ZNRF3: variants seen among roughly 807,000 people sequenced by gnomAD.
The protein encoded by ZNRF3 is E3 ubiquitin-protein ligase ZNRF3.
ZNRF3 carries 23 observed loss-of-function variants against 72.5 expected under a neutral mutation model. That is an observed-to-expected ratio of 0.32 (90% CI 0.23 to 0.45). The LOEUF (loss-of-function observed/expected upper bound fraction) is 0.45, where lower values mean the gene tolerates loss of function less well. ZNRF3 is among the 20% of genes least tolerant of loss of function. The pLI is 1.00. For missense variants in ZNRF3, 1,169 were observed against 1,272.1 expected (o/e 0.92, Z 1.23); for synonymous variants, 610 against 545.3 (o/e 1.12, Z -1.65).
In ZNRF3 at chr22:28,925,870, A is replaced by G. The variant is rs576852338; in HGVS notation, c.300+41804A>G. On this transcript the variant is annotated intron_variant, in intron 1 of 8. Coordinates refer to ENST00000544604, the MANE Select transcript of ZNRF3 (RefSeq NM_001206998.2). ...GATGTTATAATGGATGTGACAGAGT[A>G]TGTAAGGTTCCCTTTTTAATTTGGT... is the stretch of plus-strand genomic sequence containing the variant. 3.3e-5 allele frequency among the ~76,000 whole-genome samples: 5 copies of G among 152,232 alleles called. No individual in the cohort carries two copies. The East Asian group carries it at 9.7e-4, about 30-fold the overall frequency.
chr22:29,021,677 G>A (rs369824936), intron 2 of ZNRF3, among the ~76,000 whole-genome samples: 2 of 151,562 alleles, frequency 1.3e-5, no homozygotes, highest in South Asian at 2.1e-4. Context: ...TAGTAGAGGC[G>A]GGGTTTCACC....
intron 1 of ZNRF3, among the ~76,000 whole-genome samples, chr22:28,918,919 A>T (rs1351992533): frequency 6.6e-6 from 1 of 152,186 alleles, no homozygotes; most frequent in East Asian, 1.9e-4. Context: ...GCTGGTGGAA[A>T]TACCGGATTG....
At position 28,883,612 on chromosome 22, in the gene ZNRF3, G is replaced by T; in HGVS notation, c.-155G>T. 1.4e-5 allele frequency: 11 copies of T among 762,466 alleles called. No homozygotes were observed. Among genetic ancestry groups the T allele is most frequent in the Non-Finnish European group, 1.8e-5 (11 of 626,106 alleles). 47.2% of individuals were successfully genotyped at this position (762,466 alleles called of 1,614,324 possible). ...GGAGCAGATGAAAGGGCCGCGGCGC[G>T]ACGGCCGGGGGAGCCGAGCTGAGCC... is the stretch of plus-strand genomic sequence containing the variant. On this transcript the variant is annotated 5_prime_UTR_variant, in exon 1 of 9. Transcript: ENST00000544604. This position sits in a 1 kb window ranked among gnomAD's most constrained non-coding sequence, Gnocchi z 5.5.
At chr22:29,008,203 A>AATACTCGTTT (rs1488469284) in intron 2 of ZNRF3, among the ~76,000 whole-genome samples, 1 of 152,184 alleles carries the variant, frequency 6.6e-6, no homozygotes, top group Non-Finnish European at 1.5e-5. Context: ...TTTGATAAGC[A>AATACTCGTTT]GATTGTATTC....
At chr22:28,937,216 T>TATATATATATA (rs1491324971) in intron 1 of ZNRF3, among the ~76,000 whole-genome samples, 15 of 2,134 alleles carry the variant, frequency 7.0e-3, no homozygotes, top group African/African-American at 7.5e-3. Flanking sequence ...TATATATATA[T>TATATATATATA]TTTTTTTTTT....
At chr22:28,986,683 A>G (rs766030047) in intron 1 of ZNRF3, 2 of 981,200 alleles carry the variant, frequency 2.0e-6, no homozygotes, top group Non-Finnish European at 1.2e-6. Context: ...AAGCCAAACA[A>G]TCTTGGATAC....
At chr22:28,987,304 G>T in intron 2 of ZNRF3, 103 bp downstream of exon 2, 1 of 1,498,696 alleles carries the variant, frequency 6.7e-7, no homozygotes. Flanking sequence ...AGCCATGCTG[G>T]CACAGTGCTC....
chr22:28,975,498 A>G lies in ZNRF3; in HGVS notation c.301-11578A>G, dbSNP rs868864491. Among the ~76,000 whole-genome samples the G allele has an allele frequency of 1.8e-5, 2 of 108,364 alleles. 1 individual carries two copies. The highest frequency in any genetic ancestry group is 6.5e-4 in the South Asian group (2 of 3,064). 71.1% of individuals were successfully genotyped at this position (108,364 alleles called of 152,430 possible). A position where few individuals can be genotyped will look rare whatever the true frequency, so the allele number is the denominator to read the frequency against. On this transcript the variant is annotated intron_variant, in intron 1 of 8. Coordinates refer to ENST00000544604, the MANE Select transcript of ZNRF3 (RefSeq NM_001206998.2). ...ACTCCAGCCTGGGAGACAGAGCGATACTCTGTCTCAAAAAAAAAAAAAAAA... is the reference window on the plus strand; with the variant it reads ...ACTCCAGCCTGGGAGACAGAGCGATGCTCTGTCTCAAAAAAAAAAAAAAAA...
At chr22:28,922,485 G>A (rs2034527902) in intron 1 of ZNRF3, among the ~76,000 whole-genome samples, 1 of 152,114 alleles carries the variant, frequency 6.6e-6, no homozygotes, top group African/African-American at 2.4e-5. Context: ...TATTCGCACT[G>A]TTACAATTGT....
At chr22:29,023,647 G>C (rs1019993209) in intron 2 of ZNRF3, among the ~76,000 whole-genome samples, 13 of 152,170 alleles carry the variant, frequency 8.5e-5, no homozygotes, top group African/African-American at 2.2e-4. Context: ...TGGGTGTGCT[G>C]CATTGTCTCC....
chr22:28,929,558 T>G (rs932339217), intron 1 of ZNRF3, among the ~76,000 whole-genome samples: 1 of 152,206 alleles, frequency 6.6e-6, no homozygotes, highest in African/African-American at 2.4e-5. Context: ...AGGACTAACT[T>G]AAATTGAGAT....
intron 2 of ZNRF3, among the ~76,000 whole-genome samples, chr22:28,998,699 TA>T (rs1345215814): frequency 1.3e-5 from 2 of 152,246 alleles, no homozygotes; most frequent in Non-Finnish European, 1.5e-5. Context: ...TAAAAGGCTA[TA>T]TTAAGCACAA....
At position 29,049,921 on chromosome 22, in the gene ZNRF3, C is replaced by T. The variant is rs765122563; in HGVS notation, c.1740C>T (p.Tyr580=). The T allele has an allele frequency of 9.5e-5, 152 of 1,606,896 alleles. 2 individuals are homozygous for T. The South Asian group carries it at 1.5e-3, about 15-fold the overall frequency. ...CTGAGGTCAGCAACCAGGGCGTGTA[C>T]GGGAGCTGCTCCACCTTCCGCAGCT... is the stretch of plus-strand genomic sequence containing the variant. ...DCTEVSNQGV[Y]GSCSTFRSSL... is the part of the protein sequence containing the mutation. The change falls in exon 8 of 9, where the codon TAC becomes TAT. Residue 580 remains tyrosine, a synonymous_variant. Transcript: ENST00000544604. The surrounding 1 kb of genome is among the most constrained non-coding windows in gnomAD (Gnocchi z 5.2).
At chr22:28,899,910 C>T (rs132528) in intron 1 of ZNRF3, among the ~76,000 whole-genome samples, 87,734 of 151,840 alleles carry the variant, frequency 0.58, 27,389 homozygotes, top group Non-Finnish European at 0.7. Flanking sequence ...AGGCTAGTCT[C>T]GAACTCTTGG....
At chr22:29,003,734 GGAGGCTGGAGCGGGAGGCTT>G (rs557682686) in intron 2 of ZNRF3, among the ~76,000 whole-genome samples, 1 of 152,090 alleles carries the variant, frequency 6.6e-6, no homozygotes, top group South Asian at 2.1e-4. Flanking sequence ...CAGCTACTCG[GGAGGCTGGAGCGGGAGGCTT>G]GAGCCTGGGA....
intron 1 of ZNRF3, among the ~76,000 whole-genome samples, chr22:28,975,852 C>A (rs73882418): frequency 0.01 from 1,572 of 151,080 alleles, 28 homozygotes; most frequent in African/African-American, 0.037. Flanking sequence ...GACCGCTTCC[C>A]CCCAAATTTG....
intron 2 of ZNRF3, among the ~76,000 whole-genome samples, chr22:29,011,786 G>C (rs2036352420): frequency 6.6e-6 from 1 of 152,220 alleles, no homozygotes; most frequent in Non-Finnish European, 1.5e-5. Context: ...CCTCCCGCTG[G>C]GGAATGGCAC....
intron 2 of ZNRF3, among the ~76,000 whole-genome samples, chr22:28,994,849 G>A (rs190169874): frequency 6.6e-4 from 100 of 152,290 alleles, no homozygotes; most frequent in Non-Finnish European, 9.4e-4. Flanking sequence ...TTCCTTAAGC[G>A]ATGGAGCATA....
intron 1 of ZNRF3, among the ~76,000 whole-genome samples, chr22:28,914,737 C>T (rs763871046): frequency 1.3e-5 from 2 of 150,856 alleles, no homozygotes; most frequent in African/African-American, 4.9e-5. Flanking sequence ...TTGCTTAAAC[C>T]TGGGAGGCGG....
Sources: allele counts gnomAD v4.1 joint callset (sites outside exome capture counted in the v4.1 genomes callset), GRCh38; gene constraint gnomAD v4.1.1; non-coding constraint Gnocchi (gnomAD v3.1); transcripts MANE v1.5; gene names NCBI Gene and HGNC (gene_info 2026-07-23, HGNC 2026-07-21).